Variants in CSMD3 observed in about 807,000 individuals in gnomAD.
The protein encoded by CSMD3 is CUB and Sushi multiple domains 3.
A neutral mutation model predicts 435.2 loss-of-function variants in CSMD3; 177 were observed. The observed-to-expected ratio is 0.41, with a 90% CI of 0.36 to 0.46. CSMD3 has a LOEUF of 0.46. Ranked by LOEUF, CSMD3 falls within the 20% of genes least tolerant of loss-of-function variation. CSMD3 has a pLI of 0.34. For missense variants in CSMD3, 4,265 were observed against 4,504.6 expected, an observed-to-expected ratio of 0.95 and a Z score of 1.52; for synonymous variants, 1,656 against 1,520.5, an observed-to-expected ratio of 1.09 and a Z score of -2.07.
chr8:112,473,537 G>A (rs960398827), intron 31 of CSMD3, among the ~76,000 whole-genome samples: 2 of 151,990 alleles, frequency 1.3e-5, no homozygotes, highest in Non-Finnish European at 2.9e-5. Context: ...ATAAAGATTG[G>A]GTAGCTACAG....
chr8:113,128,812 A>G (rs1333976778), intron 4 of CSMD3, among the ~76,000 whole-genome samples: 1 of 152,066 alleles, frequency 6.6e-6, no homozygotes, highest in African/African-American at 2.4e-5. Context: ...ATAGCTACAT[A>G]TTGAATGCTT....
At chr8:112,838,762 T>G (rs2080098702) in intron 11 of CSMD3, among the ~76,000 whole-genome samples, 1 of 151,756 alleles carries the variant, frequency 6.6e-6, no homozygotes, top group Admixed American at 6.6e-5. Flanking sequence ...GTATGTATTA[T>G]AAGTGACATA....
intron 28 of CSMD3, among the ~76,000 whole-genome samples, chr8:112,515,934 T>C (rs923935232): frequency 1.3e-4 from 19 of 151,016 alleles, no homozygotes; most frequent in Admixed American, 3.3e-4. Context: ...AATTTCCCAC[T>C]GTTTAGAACA....
intron 16 of CSMD3, among the ~76,000 whole-genome samples, chr8:112,680,719 G>T (rs994790637): frequency 2.0e-5 from 3 of 151,898 alleles, no homozygotes; most frequent in Admixed American, 6.6e-5. Flanking sequence ...TAATTGAAGG[G>T]GCCACTAGGA....
At chr8:113,060,868 C>T (rs775416945) in intron 5 of CSMD3, among the ~76,000 whole-genome samples, 2 of 152,152 alleles carry the variant, frequency 1.3e-5, no homozygotes, top group Non-Finnish European at 2.9e-5. Flanking sequence ...AATGAAATGT[C>T]TCCATCTGCT....
intron 13 of CSMD3, among the ~76,000 whole-genome samples, chr8:112,734,532 G>T (rs10097818): frequency 0.22 from 33,590 of 151,732 alleles, 4,267 homozygotes; most frequent in East Asian, 0.41. Context: ...TGAGACTTTT[G>T]TCTCAGAGAA....
At chr8:113,219,043 T>G (rs971556087) in intron 3 of CSMD3, among the ~76,000 whole-genome samples, 1 of 151,328 alleles carries the variant, frequency 6.6e-6, no homozygotes, top group Non-Finnish European at 1.5e-5. Context: ...GTTTAAAAAC[T>G]CTTGGAAAAA....
At chr8:112,899,985 A>G (rs562200080) in intron 10 of CSMD3, among the ~76,000 whole-genome samples, 2 of 151,290 alleles carry the variant, frequency 1.3e-5, no homozygotes, top group African/African-American at 2.4e-5. Context: ...AAAGTAAAGT[A>G]TACTGATTTC....
chr8:112,645,795 G>C (rs2074963801), intron 19 of CSMD3, among the ~76,000 whole-genome samples: 1 of 152,068 alleles, frequency 6.6e-6, no homozygotes, highest in Non-Finnish European at 1.5e-5. Flanking sequence ...TATTTGATTT[G>C]ATATTCATTT....
At chr8:112,868,957 GA>G (rs1399833272) in intron 10 of CSMD3, among the ~76,000 whole-genome samples, 1 of 152,112 alleles carries the variant, frequency 6.6e-6, no homozygotes, top group Admixed American at 6.5e-5. Context: ...TCTTGGCAAT[GA>G]TTTTTTTGAA....
At chr8:112,245,239 C>A (rs1451652828) in intron 64 of CSMD3, among the ~76,000 whole-genome samples, 2 of 151,878 alleles carry the variant, frequency 1.3e-5, no homozygotes, top group Non-Finnish European at 2.9e-5. Flanking sequence ...AATTCTCTAC[C>A]TTGATTACAC....
chr8:112,925,518 G>A (rs1033563986), intron 9 of CSMD3, among the ~76,000 whole-genome samples: 12 of 151,706 alleles, frequency 7.9e-5, no homozygotes, highest in African/African-American at 2.2e-4. Context: ...AGCTGAGATC[G>A]CGCTACTGCA....
intron 27 of CSMD3, among the ~76,000 whole-genome samples, chr8:112,541,328 T>C (rs1432348949): frequency 6.6e-6 from 1 of 151,514 alleles, no homozygotes; most frequent in East Asian, 1.9e-4. Flanking sequence ...AAAATAAAAC[T>C]AGAGTTGGTT....
chr8:113,106,360 G>A (rs1336276865), intron 4 of CSMD3, among the ~76,000 whole-genome samples: 1 of 151,986 alleles, frequency 6.6e-6, no homozygotes, highest in Non-Finnish European at 1.5e-5. Flanking sequence ...TCATAGAAGA[G>A]TAGACAGTAC....
rs114265433 is a variant in CSMD3 at position 112,683,283 on chromosome 8, C to T, written c.2483-647G>A. ...GATGAGGAAAGTATTGCCATCTATT[C>T]AAAAGAGTAATGTTAGACTCAGGAA... On this transcript the variant is annotated intron_variant, in intron 15 of 70. Coordinates refer to ENST00000297405, the MANE Select transcript of CSMD3 (RefSeq NM_198123.2). Among the ~76,000 whole-genome samples, 1,123 of 152,020 alleles carry T rather than the reference C, an allele frequency of 7.4e-3. 12 individuals are homozygous for T. The highest frequency in any genetic ancestry group is 0.025 in the African/African-American group (1,034 of 41,518).
intron 11 of CSMD3, among the ~76,000 whole-genome samples, chr8:112,850,888 T>C (rs964613682): frequency 6.6e-6 from 1 of 152,144 alleles, no homozygotes; most frequent in African/African-American, 2.4e-5. Flanking sequence ...ATATAGTAGG[T>C]CCAGCATATG....
intron 6 of CSMD3, 35 bp from the exon 7 acceptor site, chr8:112,976,183 T>A (rs1319690764): frequency 6.2e-7 from 1 of 1,608,806 alleles, no homozygotes; most frequent in Non-Finnish European, 8.5e-7. Context: ...GCTAACTTTT[T>A]CTTTTTAAAT....
intron 27 of CSMD3, among the ~76,000 whole-genome samples, chr8:112,534,857 G>C (rs1046269996): frequency 6.6e-6 from 1 of 152,070 alleles, no homozygotes; most frequent in Non-Finnish European, 1.5e-5. Flanking sequence ...TCATCCCTGG[G>C]ATGCAAGGCT....
intron 10 of CSMD3, among the ~76,000 whole-genome samples, chr8:112,892,628 T>C (rs1023366779): frequency 7.3e-5 from 11 of 151,504 alleles, no homozygotes; most frequent in African/African-American, 2.7e-4. Context: ...CTTTTGTACT[T>C]ACTGTTCTCA....
Sources: allele counts gnomAD v4.1 joint callset (sites outside exome capture counted in the v4.1 genomes callset), GRCh38; gene constraint gnomAD v4.1.1; transcripts MANE v1.5; gene names NCBI Gene and HGNC (gene_info 2026-07-23, HGNC 2026-07-21).